Variants in ZP3 observed in about 807,000 individuals in gnomAD.
The protein encoded by ZP3 is zona pellucida glycoprotein 3, also known as zona pellucida sperm-binding protein 3.
A neutral mutation model predicts 35.6 loss-of-function variants in ZP3; 21 were observed. The observed-to-expected ratio is 0.59, with a 90% confidence interval of 0.42 to 0.85. ZP3 has a LOEUF of 0.85. ZP3 is among the 40% of genes least tolerant of loss of function. The probability of loss-of-function intolerance (pLI) is 0.00; values close to 1 mark genes in which losing one functional copy is unlikely to be tolerated. For synonymous variants in ZP3, 207 were observed against 214.5 expected (o/e 0.96, Z 0.31); for missense variants, 437 against 536.5 (o/e 0.81, Z 1.83).
intron 1 of ZP3, chr7:76,429,312 C>A: frequency 1.8e-6 from 1 of 562,582 alleles, no homozygotes; most frequent in Non-Finnish European, 3.2e-6. Flanking sequence ...GCTATGTTTC[C>A]CAGGCCAGTC....
intron 1 of ZP3, chr7:76,400,603 G>A: frequency 4.8e-6 from 7 of 1,444,776 alleles, no homozygotes; most frequent in Admixed American, 2.9e-5. Context: ...TGTGAAGAGG[G>A]TGGAGCTGGC....
At chr7:76,411,016 AAG>A (rs1805230430) in intron 1 of ZP3, among the ~76,000 whole-genome samples, 1 of 149,988 alleles carries the variant, frequency 6.7e-6, no homozygotes, top group African/African-American at 2.5e-5. Context: ...AAAAAAAAAA[AAG>A]AAAAGAAAAT....
upstream of ZP3, among the ~76,000 whole-genome samples, chr7:76,423,720 G>A (rs1467648854): frequency 6.6e-6 from 1 of 151,912 alleles, no homozygotes; most frequent in African/African-American, 2.4e-5. Context: ...TGAGGAGCTG[G>A]GCATGGTGGA....
chr7:76,437,440 G>C (rs1161505470), intron 5 of ZP3, among the ~76,000 whole-genome samples: 1 of 150,172 alleles, frequency 6.7e-6, no homozygotes, highest in Non-Finnish European at 1.5e-5. Flanking sequence ...CAAGTGCTGG[G>C]ATTACAGGCA....
chr7:76,437,833 C>G (rs1203162433), intron 5 of ZP3, among the ~76,000 whole-genome samples: 2 of 152,152 alleles, frequency 1.3e-5, no homozygotes, highest in Non-Finnish European at 2.9e-5. Flanking sequence ...TATAGGGGAA[C>G]TGCCCTGGGA....
rs5885000 is a variant in ZP3, at chr7:76,410,354, C to CT, written c.-67+12571dup. Among the ~76,000 whole-genome samples the CT allele has an allele frequency of 3.0e-3, 433 of 142,422 alleles. 1 individual carries two copies. Among genetic ancestry groups the CT allele is most frequent in the Non-Finnish European group, 4.3e-3 (283 of 65,524 alleles). The allele number at this position is 142,422 out of a possible 152,430, so 93.4% of individuals were successfully genotyped here. ...CCTAATTTTGCCTTCTTGTGTAGTT[C>CT]TTTTTTTTTTTTTTGAGATGGAGTT... On this transcript the variant is annotated intron_variant, in intron 1 of 8. Transcript: ENST00000336517.
rs1805768745 is a variant in ZP3, at chr7:76,429,555, A to C, written c.353A>C (p.His118Pro). ...CTGGTGTACAGCACCTTCCTGCTCC[A>C]TGACCCCCGCCCCGTGGGAAACCTG... The part of the protein sequence containing the change: ...DALVYSTFLL[H>P]DPRPVGNLSI... Residue 118 changes from histidine (H) to proline (P), a missense_variant, in exon 2 of 8, where the codon CAT becomes CCT. Physicochemically the swap from His to Pro is moderately conservative, Grantham distance 77. Coordinates refer to ENST00000394857, the MANE Select transcript of ZP3 (RefSeq NM_001110354.2). 6.2e-7 allele frequency: 1 copy of C among 1,613,884 alleles called. No individual in the cohort carries two copies.
intron 4 of ZP3, 57 bp from the exon 5 acceptor site, chr7:76,433,981 G>C: frequency 7.6e-7 from 1 of 1,319,890 alleles, no homozygotes; most frequent in South Asian, 1.3e-5. Context: ...TTATGGGCGT[G>C]AGCCACGGTG....
intron 1 of ZP3, among the ~76,000 whole-genome samples, chr7:76,405,319 A>ATTTT (rs1563687040): frequency 8.7e-4 from 16 of 18,286 alleles, no homozygotes; most frequent in South Asian, 6.2e-3. Context: ...ATATATATGT[A>ATTTT]TTTTTTTCTT....
chr7:76,421,999 C>T (rs375177745), upstream of ZP3, among the ~76,000 whole-genome samples: 27 of 152,010 alleles, frequency 1.8e-4, no homozygotes, highest in Non-Finnish European at 8.8e-5. Flanking sequence ...TGGGTTCAAG[C>T]GATTCTCCCG....
chr7:76,397,641 C>T (rs868837659), exon 1 of ZP3: 8 of 1,613,622 alleles, frequency 5.0e-6, no homozygotes, highest in South Asian at 4.4e-5. Context: ...AGGATGTGTC[C>T]GGTGCCATAG....
At chr7:76,401,815 A>C (rs1367262408) in intron 1 of ZP3, among the ~76,000 whole-genome samples, 2 of 152,146 alleles carry the variant, frequency 1.3e-5, no homozygotes, top group African/African-American at 4.8e-5. Context: ...GAATTCCTGG[A>C]CACCACATAC....
At chr7:76,424,871 A>C (rs1805599490), upstream of ZP3, 2 of 1,222,914 alleles carry the variant, frequency 1.6e-6, no homozygotes, top group Non-Finnish European at 2.2e-6. Flanking sequence ...TAGGGAAGGG[A>C]GGCAGCTGAG....
Position 76,409,914 on chromosome 7 carries a change from A to G in ZP3, c.-67+12117A>G, listed in dbSNP as rs1163793394. ...CCCGCCTGATGATGTCCCGACCCAC[A>G]TCTCAGCTGAGGGTTTGGAAATGGT... On this transcript the variant is annotated intron_variant, in intron 1 of 8. Transcript: ENST00000336517. Among the ~76,000 whole-genome samples, 6 of 152,228 alleles carry G rather than the reference A, an allele frequency of 3.9e-5. No individual in the cohort carries two copies. In the East Asian group the frequency reaches 1.2e-3, roughly 29 times the overall value.
upstream of ZP3, among the ~76,000 whole-genome samples, chr7:76,422,530 G>C (rs1248554175): frequency 6.6e-6 from 1 of 150,524 alleles, no homozygotes; most frequent in African/African-American, 2.4e-5. Context: ...AATACAAAAA[G>C]TAGCTGGGCT....
chr7:76,416,891 TATAC>T (rs1243895362), intron 1 of ZP3, among the ~76,000 whole-genome samples: 1 of 141,360 alleles, frequency 7.1e-6, no homozygotes, highest in African/African-American at 2.9e-5. Flanking sequence ...CATACATATA[TATAC>T]ACATACATAT....
intron 5 of ZP3, among the ~76,000 whole-genome samples, chr7:76,435,981 C>T (rs1285081321): frequency 3.3e-5 from 5 of 150,670 alleles, no homozygotes; most frequent in Admixed American, 6.7e-5. Context: ...GCCTCAGCTT[C>T]CCAAAGTGCT....
intron 2 of ZP3, among the ~76,000 whole-genome samples, chr7:76,432,610 T>C (rs1235417375): frequency 2.0e-5 from 3 of 151,984 alleles, no homozygotes; most frequent in Non-Finnish European, 4.4e-5. Context: ...GCCACCGCAC[T>C]CAGGTCCAGG....
At chr7:76,421,575 A>T (rs1302777248), upstream of ZP3, among the ~76,000 whole-genome samples, 1 of 151,510 alleles carries the variant, frequency 6.6e-6, no homozygotes, top group African/African-American at 2.4e-5. Context: ...TTTTAAAATT[A>T]TATATATATA....
Sources: gnomAD v4.1 joint callset for allele counts (sites outside exome capture counted in the v4.1 genomes callset) on GRCh38, gnomAD v4.1.1 for gene constraint, MANE v1.5 for transcripts, NCBI Gene and HGNC (gene_info 2026-07-23, HGNC 2026-07-21) for gene names.